The following NOL4L variants were observed in gnomAD, a reference collection of about 807,000 sequenced individuals.
NOL4L encodes nucleolar protein 4 like, also known as nucleolar protein 4-like.
NOL4L carries 7 observed loss-of-function variants against 64.5 expected under a neutral mutation model. The observed-to-expected ratio is 0.11, with a 90% confidence interval of 0.06 to 0.20. The LOEUF (loss-of-function observed/expected upper bound fraction) is 0.20. Among genes scored for constraint, NOL4L ranks in the 10% least tolerant of loss-of-function variants. The pLI is 1.00. For missense variants in NOL4L, 680 were observed against 967.1 expected (o/e 0.70, Z 3.94); for synonymous variants, 413 against 401.0 (o/e 1.03, Z -0.36).
Position 32,553,241 on chromosome 20 carries a change from C to G in NOL4L, c.322-25328G>C, listed in dbSNP as rs1462862282. Among the ~76,000 whole-genome samples, 7 of 152,176 alleles carry G rather than the reference C, an allele frequency of 4.6e-5. No homozygotes were observed. The East Asian group carries it at 1.3e-3, about 29-fold the overall frequency. On this transcript the variant is annotated intron_variant, in intron 1 of 10. Transcript: ENST00000621426. ...TCTCCCTGGTTCACCTGGATCACTG[C>G]AGCAGCCTCCTCCCAGCTTCCACCC...
chr20:32,547,794 GC>G (rs1476421302), intron 1 of NOL4L, among the ~76,000 whole-genome samples: 1 of 152,142 alleles, frequency 6.6e-6, no homozygotes, highest in Non-Finnish European at 1.5e-5. Flanking sequence ...AGCAGCTCCA[GC>G]CATGTCTCCT....
At chr20:32,555,206 C>T (rs763875751) in intron 1 of NOL4L, among the ~76,000 whole-genome samples, 3 of 152,106 alleles carry the variant, frequency 2.0e-5, no homozygotes, top group Admixed American at 6.5e-5. Context: ...GGCCTCAGCT[C>T]GAGTGTTACT....
chr20:32,449,872 C>T (rs1459101171), intron 10 of NOL4L: 1 of 152,462 alleles, frequency 6.6e-6, no homozygotes, highest in Admixed American at 6.5e-5. Flanking sequence ...CTGGCATAGT[C>T]AACATGAGCA....
At chr20:32,572,285 A>G (rs1254456517) in intron 1 of NOL4L, 3 of 152,110 alleles carry the variant, frequency 2.0e-5, no homozygotes, top group Non-Finnish European at 2.9e-5. Context: ...GGACAATCAC[A>G]TGGGGTCGTG....
At chr20:32,488,861 TTCTTTC>T in intron 4 of NOL4L, among the ~76,000 whole-genome samples, 4 of 105,014 alleles carry the variant, frequency 3.8e-5, no homozygotes, top group Admixed American at 2.9e-4. Flanking sequence ...CTTTCTTTCT[TTCTTTC>T]TTTCTTTCTT....
chr20:32,561,136 T>C (rs1978991982), intron 1 of NOL4L: 1 of 152,388 alleles, frequency 6.6e-6, no homozygotes, highest in Admixed American at 6.5e-5. Flanking sequence ...GGACCTTTTT[T>C]TCCCTCTTCC....
In NOL4L at chr20:32,585,245, G is replaced by T. The variant is rs1347104809; in HGVS notation, c.-355C>A. 6.7e-6 allele frequency among the ~76,000 whole-genome samples: 1 copy of T among 148,200 alleles called. No homozygotes were observed. Among genetic ancestry groups the T allele is most frequent in the Non-Finnish European group, 1.5e-5 (1 of 66,266 alleles). On this transcript the variant is annotated 5_prime_UTR_variant, in exon 1 of 11. Transcript: ENST00000621426. Reference sequence around the variant, plus strand: ...CGGGCGGCCGGGGGAGGCGGGAGGCGGGGAGCGGCCCCGAGCGCTGGGAGC... The same window carrying T: ...CGGGCGGCCGGGGGAGGCGGGAGGCTGGGAGCGGCCCCGAGCGCTGGGAGC...
intron 4 of NOL4L, among the ~76,000 whole-genome samples, chr20:32,499,738 CAA>C (rs10692885): frequency 3.9e-4 from 20 of 51,316 alleles, no homozygotes; most frequent in Admixed American, 8.2e-4. Context: ...GACCTTGTCT[CAA>C]AAAAAAAAAA....
intron 1 of NOL4L, chr20:32,573,574 C>CA (rs1283625021): frequency 5.9e-6 from 1 of 170,088 alleles, no homozygotes; most frequent in Non-Finnish European, 1.3e-5. Context: ...TACTTCTATA[C>CA]AATAGCATAG....
intron 4 of NOL4L, among the ~76,000 whole-genome samples, chr20:32,506,757 G>T (rs886145169): frequency 7.2e-5 from 11 of 152,128 alleles, no homozygotes; most frequent in Admixed American, 2.6e-4. Context: ...CTGCTGTTTT[G>T]TCCCCTCTAC....
chr20:32,523,754 C>T (rs551335545), intron 2 of NOL4L, among the ~76,000 whole-genome samples: 2 of 152,326 alleles, frequency 1.3e-5, no homozygotes, highest in East Asian at 1.9e-4. Context: ...CCTTGCTCCC[C>T]GGGCCTCCTG....
rs1180901873 is a variant in NOL4L, at chr20:32,463,857, AG to A, written c.842-7463del. ...GGCGACTCCCACCAGCTCCCAGGCT[AG>A]GCTCGGAGAACGGGAAGGCCCACCA... On this transcript the variant is annotated intron_variant, in intron 5 of 10. Coordinates refer to ENST00000621426, the MANE Select transcript of NOL4L (RefSeq NM_001256798.2). The surrounding 1 kb of genome is among the most constrained non-coding windows in gnomAD (Gnocchi z 5.8). Among the ~76,000 whole-genome samples the A allele has an allele frequency of 2.6e-5, 4 of 152,200 alleles. No homozygotes were observed. Among genetic ancestry groups the A allele is most frequent in the African/African-American group, 9.6e-5 (4 of 41,544 alleles).
intron 1 of NOL4L, among the ~76,000 whole-genome samples, chr20:32,582,813 CG>C: frequency 6.6e-6 from 1 of 152,214 alleles, no homozygotes; most frequent in Non-Finnish European, 1.5e-5. Flanking sequence ...CGCCCTCCGG[CG>C]GGGGGCAGTG....
intron 4 of NOL4L, chr20:32,483,292 C>G: frequency 1.1e-6 from 1 of 912,424 alleles, no homozygotes; most frequent in Non-Finnish European, 1.3e-6. Flanking sequence ...CGGCAGCAGC[C>G]GGAGAAGGGG....
At chr20:32,536,407 G>C (rs536647333) in intron 1 of NOL4L, 8,914 of 710,550 alleles carry the variant, frequency 0.013, 70 homozygotes, top group Non-Finnish European at 0.014. Flanking sequence ...GAGGGGAGTG[G>C]GCCGCGCTAA....
intron 4 of NOL4L, among the ~76,000 whole-genome samples, chr20:32,498,402 C>T (rs972054215): frequency 1.3e-5 from 2 of 149,170 alleles, no homozygotes; most frequent in South Asian, 4.3e-4. Flanking sequence ...GAGCTTTTCA[C>T]GCCTCTCTCT....
At chr20:32,514,855 G>A (rs943999838) in intron 3 of NOL4L, among the ~76,000 whole-genome samples, 1 of 152,124 alleles carries the variant, frequency 6.6e-6, no homozygotes, top group Non-Finnish European at 1.5e-5. Flanking sequence ...AGAGGAGGCT[G>A]TCTGGTGAGA....
chr20:32,536,658 C>A (rs1476590528), intron 1 of NOL4L, among the ~76,000 whole-genome samples: 1 of 150,128 alleles, frequency 6.7e-6, no homozygotes. Context: ...TGGCAACCCA[C>A]CAGAGGAAGT....
chr20:32,580,362 A>C (rs546263059), intron 1 of NOL4L, among the ~76,000 whole-genome samples: 1 of 152,286 alleles, frequency 6.6e-6, no homozygotes, highest in African/African-American at 2.4e-5. Flanking sequence ...GAGGGACTCA[A>C]CCAAAGGTCA....
Sources: gnomAD v4.1 joint callset for allele counts (sites outside exome capture counted in the v4.1 genomes callset) on GRCh38, gnomAD v4.1.1 for gene constraint, Gnocchi (gnomAD v3.1) non-coding constraint, MANE v1.5 for transcripts, NCBI Gene and HGNC (gene_info 2026-07-23, HGNC 2026-07-21) for gene names.